Variants in SLC35A5 observed in about 807,000 individuals in gnomAD.
SLC35A5 encodes the protein solute carrier family 35 member A5, also known as UDP-sugar transporter protein SLC35A5.
SLC35A5 carries 28 observed loss-of-function variants against 36.3 expected under a neutral mutation model. The ratio of observed to expected loss-of-function variants is 0.77; its 90% CI spans 0.57 to 1.06. The LOEUF is 1.06. Ranked by LOEUF, SLC35A5 falls within the 50% of genes least tolerant of loss-of-function variation. The probability of loss-of-function intolerance (pLI) is 0.00; values close to 1 mark genes in which losing one functional copy is unlikely to be tolerated. For synonymous variants in SLC35A5, 180 were observed against 173.7 expected, an observed-to-expected ratio of 1.04 and a Z score of -0.29; for missense variants, 521 against 499.3, an observed-to-expected ratio of 1.04 and a Z score of -0.41.
intron 4 of SLC35A5, among the ~76,000 whole-genome samples, chr3:112,573,114 G>A (rs1288885456): frequency 6.6e-6 from 1 of 152,088 alleles, no homozygotes; most frequent in South Asian, 2.1e-4. Flanking sequence ...ATATATGACT[G>A]TTAATATCTT....
rs1253507430 is a variant in SLC35A5 at position 112,584,781 on chromosome 3, C to T, written c.*2045C>T. On this transcript the variant is annotated 3_prime_UTR_variant, in exon 7 of 7. Coordinates refer to ENST00000492406, the MANE Select transcript of SLC35A5 (RefSeq NM_017945.5). ...GTATTCACAGTAACAAAATCATGGACTCAACCTAAGTGTCCATCAGTGGTG... is the reference window on the plus strand; with the variant it reads ...GTATTCACAGTAACAAAATCATGGATTCAACCTAAGTGTCCATCAGTGGTG... 2 of 152,080 alleles carry T rather than the reference C, an allele frequency of 1.3e-5. No homozygotes were observed. Among genetic ancestry groups the T allele is most frequent in the Non-Finnish European group, 2.9e-5 (2 of 68,006 alleles). The allele number at this position is 152,080 out of a possible 1,614,324, so 9.4% of individuals were successfully genotyped here.
chr3:112,581,390 G>A, intron 6 of SLC35A5, 64 bp downstream of exon 6: 2 of 1,475,850 alleles, frequency 1.4e-6, no homozygotes, highest in Non-Finnish European at 1.8e-6. Flanking sequence ...GTTAATTCAA[G>A]GAAAAAAATA....
rs1161684176 is a variant in SLC35A5, at chr3:112,585,540, T to C, written c.*2804T>C. 6.8e-6 allele frequency: 1 copy of C among 146,748 alleles called. No individual in the cohort carries two copies. Among genetic ancestry groups the C allele is most frequent in the Non-Finnish European group, 1.5e-5 (1 of 67,036 alleles). 9.1% of individuals were successfully genotyped at this position (146,748 alleles called of 1,614,324 possible). ...ACGCAATGTAACAAACCTGTACATG[T>C]ACCCCTTCAATCTGAAATAAAAGTT... On this transcript the variant is annotated 3_prime_UTR_variant, in exon 7 of 7. Coordinates refer to ENST00000492406, the MANE Select transcript of SLC35A5 (RefSeq NM_017945.5).
chr3:112,564,674 G>A (rs1469241805), intron 2 of SLC35A5, among the ~76,000 whole-genome samples: 1 of 152,140 alleles, frequency 6.6e-6, no homozygotes, highest in Non-Finnish European at 1.5e-5. Context: ...TTCCCACGAG[G>A]CCATATTTCA....
chr3:112,563,880 G>A (rs1197176069), intron 2 of SLC35A5, among the ~76,000 whole-genome samples: 2 of 152,152 alleles, frequency 1.3e-5, no homozygotes, highest in African/African-American at 4.8e-5. Flanking sequence ...TGGTCACTTG[G>A]CATTTGTGAG....
At chr3:112,571,391 C>A (rs1196348993) in intron 4 of SLC35A5, among the ~76,000 whole-genome samples, 1 of 152,080 alleles carries the variant, frequency 6.6e-6, no homozygotes, top group Non-Finnish European at 1.5e-5. Context: ...CCTTTATTGC[C>A]AAAATGTGTT....
chr3:112,580,656 T>A lies in SLC35A5; in HGVS notation c.539T>A (p.Phe180Tyr). The change falls in exon 6 of 7, where the codon TTT (phenylalanine) becomes TAT (tyrosine). Residue 180 changes from phenylalanine to tyrosine, a missense_variant. Phe to Tyr is a conservative substitution (Grantham distance 22). Coordinates refer to ENST00000492406, the MANE Select transcript of SLC35A5 (RefSeq NM_017945.5). Reference protein sequence around the residue: ...TLQHNLAGRGFHHDAFFSPSN... With the variant: ...TLQHNLAGRGYHHDAFFSPSN... ...CAGCACAACTTGGCAGGACGTGGAT[T>A]TCATCACGATGCCTTTTTCAGCCCT... The A allele has an allele frequency of 6.2e-7, 1 of 1,614,154 alleles. No homozygotes were observed. Among genetic ancestry groups the A allele is most frequent in the Non-Finnish European group, 8.5e-7 (1 of 1,179,976 alleles).
At chr3:112,565,610 C>G (rs1934160586) in intron 2 of SLC35A5, among the ~76,000 whole-genome samples, 1 of 152,108 alleles carries the variant, frequency 6.6e-6, no homozygotes, top group Non-Finnish European at 1.5e-5. Context: ...AAACCCATCT[C>G]TACTAGAAAT....
chr3:112,575,781 A>G (rs1317536703), intron 5 of SLC35A5, among the ~76,000 whole-genome samples: 1 of 134,726 alleles, frequency 7.4e-6, no homozygotes, highest in Admixed American at 8.2e-5. Context: ...TTTTTTTGAG[A>G]CAGAGTCTTA....
At chr3:112,563,675 A>G (rs1934056692) in intron 2 of SLC35A5, 142 bp downstream of exon 2, 2 of 933,818 alleles carry the variant, frequency 2.1e-6, no homozygotes, top group Admixed American at 7.1e-5. Flanking sequence ...AAATTTGATT[A>G]TTTAACCTTG....
At chr3:112,577,092 G>GAAAA (rs11483243) in intron 5 of SLC35A5, among the ~76,000 whole-genome samples, 1 of 145,586 alleles carries the variant, frequency 6.9e-6, no homozygotes, top group Non-Finnish European at 1.5e-5. Flanking sequence ...AATTTTTTAA[G>GAAAA]AAAAAAAAAA....
rs754948763 is a variant in SLC35A5, at chr3:112,581,167, C to A, written c.1050C>A (p.Val350=). The change falls in exon 6 of 7, where the codon GTC becomes GTA. Residue 350 remains valine (V), a synonymous_variant. Coordinates refer to ENST00000492406, the MANE Select transcript of SLC35A5 (RefSeq NM_017945.5). ...TVIITTVSVL[V]FDFRPSLEFF... ...TTATCACAACAGTGTCTGTCCTGGT[C>A]TTTGACTTCAGGCCCTCCCTGGAAT... 7 of 1,613,892 alleles carry A rather than the reference C, an allele frequency of 4.3e-6. No individual in the cohort carries two copies. The African/African-American group carries it at 9.3e-5, about 22-fold the overall frequency.
At chr3:112,562,437 G>A (rs551813286) in intron 1 of SLC35A5, among the ~76,000 whole-genome samples, 164 bp downstream of exon 1, 1 of 152,272 alleles carries the variant, frequency 6.6e-6, no homozygotes, top group Non-Finnish European at 1.5e-5. Flanking sequence ...GCGCCCAATG[G>A]GGCTGTCAGT....
chr3:112,566,371 G>C (rs1292117331), intron 2 of SLC35A5, among the ~76,000 whole-genome samples: 2 of 152,116 alleles, frequency 1.3e-5, no homozygotes, highest in Admixed American at 1.3e-4. Flanking sequence ...TAGGAGGTAG[G>C]TTTTCGTTTG....
At chr3:112,564,865 C>T (rs1186086494) in intron 2 of SLC35A5, among the ~76,000 whole-genome samples, 6 of 152,202 alleles carry the variant, frequency 3.9e-5, no homozygotes, top group African/African-American at 1.2e-4. Context: ...GCCCTTAATC[C>T]ATTTAACCCT....
At chr3:112,568,968 T>C (rs1383863169) in intron 2 of SLC35A5, among the ~76,000 whole-genome samples, 1 of 152,134 alleles carries the variant, frequency 6.6e-6, no homozygotes, top group Non-Finnish European at 1.5e-5. Flanking sequence ...AATTCAAGGA[T>C]AATAAAAAGC....
chr3:112,561,562 G>A (rs200858219), upstream of SLC35A5: 61 of 1,599,928 alleles, frequency 3.8e-5, no homozygotes, highest in East Asian at 1.3e-3. Context: ...CCCCGCGACG[G>A]GATGGAAAGT....
At chr3:112,567,143 G>A (rs183360005) in intron 2 of SLC35A5, among the ~76,000 whole-genome samples, 10 of 151,936 alleles carry the variant, frequency 6.6e-5, no homozygotes, top group African/African-American at 1.7e-4. Flanking sequence ...GGAGAATGAC[G>A]TGAACCTGGG....
intron 4 of SLC35A5, among the ~76,000 whole-genome samples, chr3:112,572,081 T>C (rs1168407274): frequency 1.3e-5 from 2 of 150,520 alleles, no homozygotes; most frequent in African/African-American, 4.9e-5. Flanking sequence ...TAGCTGGGAC[T>C]ACAGGCGCCC....
Sources: allele counts gnomAD v4.1 joint callset (sites outside exome capture counted in the v4.1 genomes callset), GRCh38; gene constraint gnomAD v4.1.1; transcripts MANE v1.5; gene names NCBI Gene and HGNC (gene_info 2026-07-23, HGNC 2026-07-21).